RHCE: variants seen among roughly 807,000 people sequenced by gnomAD.
RHCE encodes blood group Rh(CE) polypeptide.
RHCE carries 22 observed loss-of-function variants against 43.8 expected under a neutral mutation model. The ratio of observed to expected loss-of-function variants is 0.50; its 90% CI spans 0.36 to 0.72. RHCE has a LOEUF of 0.72. RHCE is among the 30% of genes least tolerant of loss of function. The pLI is 0.00. For missense variants in RHCE, 385 were observed against 525.4 expected (o/e 0.73, Z 2.61); for synonymous variants, 156 against 210.7 (o/e 0.74, Z 2.25).
intron 2 of RHCE, among the ~76,000 whole-genome samples, chr1:25,403,908 C>T (rs962568797): frequency 3.3e-5 from 5 of 151,836 alleles, no homozygotes; most frequent in African/African-American, 1.2e-4. Flanking sequence ...TGGCTCATGC[C>T]TGTACTCCCA....
chr1:25,411,538 T>C, intron 1 of RHCE: 2 of 1,418,014 alleles, frequency 1.4e-6, no homozygotes, highest in Non-Finnish European at 1.9e-6. Flanking sequence ...ACCACCAGGA[T>C]ATAGGAGACC....
At chr1:25,389,302 T>C (rs555658418) in intron 5 of RHCE, among the ~76,000 whole-genome samples, 189 bp from the exon 6 acceptor site, 1 of 152,116 alleles carries the variant, frequency 6.6e-6, no homozygotes, top group East Asian at 1.9e-4. Flanking sequence ...GCCAGCTCAC[T>C]ACTGCCTCTT....
chr1:25,392,254 C>A lies in RHCE; in HGVS notation c.487-113G>T, dbSNP rs1646395565. On this transcript the variant is annotated intron_variant, in intron 3 of 9. Coordinates refer to ENST00000294413, the MANE Select transcript of RHCE (RefSeq NM_020485.8). ...TCACTTAGGAGGTGTGACTTGAAGCCACGAGACTGGTGTTCAGAGCTTACC... is the reference window on the plus strand; with the variant it reads ...TCACTTAGGAGGTGTGACTTGAAGCAACGAGACTGGTGTTCAGAGCTTACC... The A allele has an allele frequency of 5.8e-6, 9 of 1,563,480 alleles. No homozygotes were observed. In the South Asian group the frequency reaches 9.0e-5, roughly 16 times the overall value.
At chr1:25,423,957 C>T (rs2042786333), upstream of RHCE, among the ~76,000 whole-genome samples, 1 of 152,328 alleles carries the variant, frequency 6.6e-6, no homozygotes, top group East Asian at 1.9e-4. Context: ...CTCCGACGTA[C>T]GGTGGTTTGA....
At chr1:25,405,266 G>A (rs1050410685) in intron 2 of RHCE, among the ~76,000 whole-genome samples, 8 of 152,182 alleles carry the variant, frequency 5.3e-5, no homozygotes, top group Admixed American at 5.2e-4. Context: ...GCTGAGGCAG[G>A]AGGATCACCT....
At chr1:25,369,854 T>C (rs185050878) in intron 9 of RHCE, among the ~76,000 whole-genome samples, 1 of 147,956 alleles carries the variant, frequency 6.8e-6, no homozygotes, top group Non-Finnish European at 1.5e-5. Flanking sequence ...TTCTCTTGCC[T>C]CAGCCTCCTG....
chr1:25,416,598 C>T (rs1647474432), intron 1 of RHCE, among the ~76,000 whole-genome samples: 1 of 151,916 alleles, frequency 6.6e-6, no homozygotes, highest in Admixed American at 6.6e-5. Flanking sequence ...TTTGTTATTA[C>T]AGTCTCGCTT....
chr1:25,386,654 C>T (rs1461273223), intron 6 of RHCE, among the ~76,000 whole-genome samples: 1 of 152,162 alleles, frequency 6.6e-6, no homozygotes, highest in Non-Finnish European at 1.5e-5. Flanking sequence ...AACCCCGTCT[C>T]TACTAAAAAC....
chr1:25,397,117 A>C (rs1646570898), intron 3 of RHCE, among the ~76,000 whole-genome samples: 1 of 143,394 alleles, frequency 7.0e-6, no homozygotes, highest in Non-Finnish European at 1.5e-5. Flanking sequence ...GTCTCAAAAA[A>C]AAAAAAAAAA....
chr1:25,392,213 G>C (rs940311309), intron 3 of RHCE, 72 bp from the exon 4 acceptor site: 1 of 1,612,200 alleles, frequency 6.2e-7, no homozygotes, highest in African/African-American at 1.3e-5. Context: ...ATGGTCCTTG[G>C]AGAAAGTTCA....
chr1:25,372,337 T>C (rs1297343266), intron 8 of RHCE, among the ~76,000 whole-genome samples: 5 of 151,608 alleles, frequency 3.3e-5, no homozygotes, highest in African/African-American at 9.8e-5. Flanking sequence ...ATGACCAACA[T>C]GGAGAAACCC....
chr1:25,395,261 T>C (rs1259864311), intron 3 of RHCE, among the ~76,000 whole-genome samples: 1 of 145,052 alleles, frequency 6.9e-6, no homozygotes, highest in Non-Finnish European at 1.5e-5. Context: ...ACTACAGAAT[T>C]GAGACTAACT....
At chr1:25,387,373 T>A (rs1349779741) in intron 6 of RHCE, among the ~76,000 whole-genome samples, 1 of 152,340 alleles carries the variant, frequency 6.6e-6, no homozygotes, top group East Asian at 1.9e-4. Flanking sequence ...TCACACTGTA[T>A]TCTGTGTATC....
chr1:25,378,196 G>A (rs1645845126), intron 7 of RHCE, among the ~76,000 whole-genome samples: 1 of 152,210 alleles, frequency 6.6e-6, no homozygotes. Context: ...AGTAAAAGGA[G>A]CTTCTATACA....
intron 3 of RHCE, among the ~76,000 whole-genome samples, chr1:25,396,258 A>G: frequency 6.6e-6 from 1 of 152,290 alleles, no homozygotes. Context: ...GGAATTTAAT[A>G]AGACATGAGA....
At chr1:25,416,899 G>A (rs1235312171) in intron 1 of RHCE, among the ~76,000 whole-genome samples, 3 of 144,092 alleles carry the variant, frequency 2.1e-5, no homozygotes, top group East Asian at 2.0e-4. Flanking sequence ...GCCTCCCTAA[G>A]TGCTCAGCCA....
chr1:25,383,420 T>C lies in RHCE; in HGVS notation c.1073+2291A>G, dbSNP rs138528983. On this transcript the variant is annotated intron_variant, in intron 7 of 9. Coordinates refer to ENST00000294413, the MANE Select transcript of RHCE (RefSeq NM_020485.8). ...ATCCTCTCTCCATCTTTCCATTACA[T>C]AGAGATGTCCCCATACTGATGCAGC... Among the ~76,000 whole-genome samples the C allele has an allele frequency of 3.4e-3, 521 of 152,314 alleles. 6 individuals carry two copies. The highest frequency in any genetic ancestry group is 2.3e-3 in the East Asian group (12 of 5,182).
At chr1:25,397,111 C>CAAAAAAAAA in intron 3 of RHCE, among the ~76,000 whole-genome samples, 1 of 58,044 alleles carries the variant, frequency 1.7e-5, no homozygotes, top group Non-Finnish European at 2.9e-5. Flanking sequence ...GACTCTGTCT[C>CAAAAAAAAA]AAAAAAAAAA....
In RHCE at chr1:25,386,611, A is replaced by G. The variant is rs192730431; in HGVS notation, c.940-767T>C. On this transcript the variant is annotated intron_variant, in intron 6 of 9. Coordinates refer to ENST00000294413, the MANE Select transcript of RHCE (RefSeq NM_020485.8). ...CAACGTGGGTGGATCACCTGAAGTC[A>G]AGAGTTCAAGACCAGCATGGCCAAC... Among the ~76,000 whole-genome samples the G allele has an allele frequency of 1.9e-3, 295 of 152,342 alleles. 3 individuals carry two copies. The highest frequency in any genetic ancestry group is 6.0e-3 in the African/African-American group (249 of 41,586).
Sources: gnomAD v4.1 joint callset for allele counts (sites outside exome capture counted in the v4.1 genomes callset) on GRCh38, gnomAD v4.1.1 for gene constraint, MANE v1.5 for transcripts, NCBI Gene and HGNC (gene_info 2026-07-23, HGNC 2026-07-21) for gene names.